SLC1A6: variants seen among roughly 807,000 people sequenced by gnomAD.
SLC1A6 encodes excitatory amino acid transporter 4.
Under a neutral mutation model 42.1 loss-of-function variants are expected in SLC1A6, and 15 were observed. That is an observed-to-expected ratio of 0.36 (90% CI 0.24 to 0.55). The LOEUF (loss-of-function observed/expected upper bound fraction) is 0.55, where lower values mean the gene tolerates loss of function less well. Among genes scored for constraint, SLC1A6 ranks in the 20% least tolerant of loss-of-function variants. The pLI, the probability that SLC1A6 is intolerant of heterozygous loss-of-function variation, is 0.88. For missense variants in SLC1A6, 542 were observed against 772.5 expected, an observed-to-expected ratio of 0.70 and a Z score of 3.54; for synonymous variants, 317 against 319.7, an observed-to-expected ratio of 0.99 and a Z score of 0.09.
chr19:14,975,896 A>G (rs7247298), intron 1 of SLC1A6, among the ~76,000 whole-genome samples: 2,962 of 83,686 alleles, frequency 0.035, 111 homozygotes, highest in Admixed American at 0.084. Flanking sequence ...GAAGGGAAGG[A>G]AAGGGAAGGG....
intron 1 of SLC1A6, among the ~76,000 whole-genome samples, chr19:14,978,801 C>A (rs538995843): frequency 7.9e-5 from 12 of 152,214 alleles, no homozygotes; most frequent in Middle Eastern, 3.4e-3. Flanking sequence ...CATTCATGTA[C>A]ACCCTCAGGC....
intron 7 of SLC1A6, 147 bp from the exon 8 acceptor site, chr19:14,954,476 C>T (rs977096772): frequency 2.8e-6 from 2 of 708,954 alleles, no homozygotes; most frequent in Non-Finnish European, 4.8e-6. Context: ...TGGGGTACGG[C>T]TGAGAATGGG....
intron 1 of SLC1A6, among the ~76,000 whole-genome samples, chr19:15,002,512 A>T (rs1363692211): frequency 6.6e-6 from 1 of 152,144 alleles, no homozygotes; most frequent in Non-Finnish European, 1.5e-5. Context: ...TTTGTAACCT[A>T]ATCTCAGAAG....
At chr19:14,997,576 A>G (rs573911483) in intron 1 of SLC1A6, among the ~76,000 whole-genome samples, 5 of 152,144 alleles carry the variant, frequency 3.3e-5, no homozygotes, top group Non-Finnish European at 7.3e-5. Flanking sequence ...CAGCCAAGAG[A>G]GCAAGTGGCT....
Position 14,961,992 on chromosome 19 carries a change from C to CAGGA in SLC1A6, c.935+6_935+9dup. ...GCTCCACCATCCCGTGGGCACAGACCAGGACTCACCAGATAATGATGCCCA... is the reference window on the plus strand; with the variant it reads ...GCTCCACCATCCCGTGGGCACAGACCAGGAAGGACTCACCAGATAATGATGCCCA... On this transcript the variant is annotated intron_variant, in intron 6 of 9. Coordinates refer to ENST00000594383, the MANE Select transcript of SLC1A6 (RefSeq NM_005071.3). 6.2e-7 allele frequency: 1 copy of CAGGA among 1,609,866 alleles called. No homozygotes were observed. The highest frequency in any genetic ancestry group is 8.5e-7 in the Non-Finnish European group (1 of 1,177,778).
At chr19:14,950,770 G>A (rs540003120) in intron 9 of SLC1A6, among the ~76,000 whole-genome samples, 10 of 151,998 alleles carry the variant, frequency 6.6e-5, no homozygotes, top group South Asian at 2.1e-4. Context: ...GCAAGACCCC[G>A]TCTCTACATA....
At chr19:14,971,555 G>A (rs1320787512) in intron 3 of SLC1A6, among the ~76,000 whole-genome samples, 182 bp downstream of exon 3, 1 of 152,330 alleles carries the variant, frequency 6.6e-6, no homozygotes, top group East Asian at 1.9e-4. Context: ...TATGGGGTCT[G>A]GAACCTGGGA....
chr19:14,988,241 C>A (rs966928058), intron 1 of SLC1A6, among the ~76,000 whole-genome samples: 2 of 152,094 alleles, frequency 1.3e-5, no homozygotes, highest in Non-Finnish European at 2.9e-5. Flanking sequence ...TGGCAGTTAA[C>A]CAAGAGACTT....
intron 4 of SLC1A6, among the ~76,000 whole-genome samples, chr19:14,967,041 A>G (rs2045582128): frequency 6.6e-6 from 1 of 152,186 alleles, no homozygotes; most frequent in African/African-American, 2.4e-5. Flanking sequence ...ACTTAAAGTA[A>G]AAAATAAAAT....
At chr19:14,997,960 G>A (rs1416653411) in intron 1 of SLC1A6, among the ~76,000 whole-genome samples, 4 of 151,094 alleles carry the variant, frequency 2.6e-5, no homozygotes, top group African/African-American at 7.3e-5. Context: ...TTTTTTAATT[G>A]ACAAGTAAAA....
chr19:14,958,517 TGAG>T (rs1338068251), intron 6 of SLC1A6, among the ~76,000 whole-genome samples: 7 of 152,220 alleles, frequency 4.6e-5, no homozygotes, highest in Admixed American at 1.3e-4. Flanking sequence ...GAGTCAAAAA[TGAG>T]GATGCACGGG....
At chr19:14,959,639 T>G (rs1280092281) in intron 6 of SLC1A6, among the ~76,000 whole-genome samples, 1 of 152,228 alleles carries the variant, frequency 6.6e-6, no homozygotes, top group African/African-American at 2.4e-5. Context: ...ACAGCCTTGT[T>G]AATATCTTCC....
chr19:14,982,952 G>C (rs1479097885), upstream of SLC1A6, among the ~76,000 whole-genome samples: 1 of 152,200 alleles, frequency 6.6e-6, no homozygotes, highest in East Asian at 1.9e-4. Flanking sequence ...AAAAAGAAGA[G>C]TGACATTGTT....
intron 1 of SLC1A6, among the ~76,000 whole-genome samples, chr19:14,975,741 A>G (rs2145211791): frequency 7.7e-6 from 1 of 129,826 alleles, no homozygotes; most frequent in East Asian, 2.2e-4. Context: ...TGACAAAGCC[A>G]GACTTTGTCA....
chr19:14,971,380 C>T (rs73013108), intron 3 of SLC1A6, among the ~76,000 whole-genome samples: 22,850 of 152,066 alleles, frequency 0.15, 2,019 homozygotes, highest in South Asian at 0.26. Flanking sequence ...ACACCTTAAT[C>T]GACACCCCAC....
chr19:14,992,190 TCTG>T (rs370106388), intron 1 of SLC1A6, among the ~76,000 whole-genome samples: 17 of 152,374 alleles, frequency 1.1e-4, no homozygotes, highest in African/African-American at 3.8e-4. Context: ...TCTTGAACAT[TCTG>T]CTATTTGGGT....
intron 1 of SLC1A6, among the ~76,000 whole-genome samples, chr19:14,990,128 T>A (rs62113332): frequency 0.53 from 80,568 of 151,368 alleles, 21,544 homozygotes; most frequent in South Asian, 0.68. Context: ...TGCACCCCCA[T>A]GCTCATTGCA....
intron 1 of SLC1A6, among the ~76,000 whole-genome samples, chr19:14,998,879 T>TATTC (rs1481965068): frequency 1.3e-5 from 2 of 150,444 alleles, no homozygotes; most frequent in Non-Finnish European, 3.0e-5. Flanking sequence ...TTTATTTATT[T>TATTC]ATTTATTTAT....
At chr19:14,963,831 C>T (rs2045542401) in intron 5 of SLC1A6, among the ~76,000 whole-genome samples, 1 of 141,290 alleles carries the variant, frequency 7.1e-6, no homozygotes, top group Non-Finnish European at 1.5e-5. Context: ...CCTAAGTCCT[C>T]TTTTTTTTTT....
Sources: allele counts gnomAD v4.1 joint callset (sites outside exome capture counted in the v4.1 genomes callset), GRCh38; gene constraint gnomAD v4.1.1; transcripts MANE v1.5; gene names NCBI Gene and HGNC (gene_info 2026-07-23, HGNC 2026-07-21).